The following STON2 variants were observed in gnomAD, a reference collection of about 807,000 sequenced individuals.
STON2 encodes the protein stonin-2.
In STON2, 29 loss-of-function variants were observed where a neutral mutation model predicts 65.7. That is an observed-to-expected ratio of 0.44 (90% CI 0.33 to 0.60). The LOEUF is 0.60. Ranked by LOEUF, STON2 falls within the 20% of genes least tolerant of loss-of-function variation. STON2 has a pLI of 0.03. For missense variants in STON2, 1,054 were observed against 1,118.1 expected (o/e 0.94, Z 0.82); for synonymous variants, 404 against 414.2 (o/e 0.98, Z 0.30).
chr14:81,310,755 G>C (rs1427060104), intron 5 of STON2, among the ~76,000 whole-genome samples: 1 of 152,148 alleles, frequency 6.6e-6, no homozygotes, highest in Non-Finnish European at 1.5e-5. Context: ...GAAACCTCCT[G>C]TTTCCTCTCC....
intron 3 of STON2, among the ~76,000 whole-genome samples, chr14:81,390,580 A>AAAAC (rs142075412): frequency 4.1e-4 from 63 of 152,308 alleles, no homozygotes; most frequent in East Asian, 9.6e-4. Context: ...AACAAAACAA[A>AAAAC]AAACAAACAA....
intron 3 of STON2, among the ~76,000 whole-genome samples, chr14:81,383,118 T>C (rs976951199): frequency 7.2e-5 from 11 of 152,176 alleles, no homozygotes; most frequent in Admixed American, 7.2e-4. Flanking sequence ...TCCATCCAGC[T>C]TGAAGGAATA....
intron 2 of STON2, among the ~76,000 whole-genome samples, chr14:81,421,965 G>T (rs3908315): frequency 1.1e-4 from 17 of 152,020 alleles, no homozygotes; most frequent in Admixed American, 8.5e-4. Context: ...TGGAACCCTG[G>T]GGAAGGTCAT....
chr14:81,357,091 C>A (rs1898272034), intron 4 of STON2, among the ~76,000 whole-genome samples: 3 of 151,988 alleles, frequency 2.0e-5, no homozygotes, highest in Admixed American at 6.6e-5. Flanking sequence ...GCAAAAGAAA[C>A]TACCATCAGA....
rs149966281 is a variant in STON2, at chr14:81,267,156, A to G, written c.*1258T>C. The G allele has an allele frequency of 5.8e-5, 57 of 985,430 alleles. No homozygotes were observed. The East Asian group carries it at 3.7e-3, about 65-fold the overall frequency. 61.0% of individuals were successfully genotyped at this position (985,430 alleles called of 1,614,324 possible). A position where few individuals can be genotyped will look rare whatever the true frequency, so the allele number is the denominator to read the frequency against. ...CATGGGAGAAAACACTAAGATACAA[A>G]TAAGAAGCAGAGGTGAGTAGGAACG... On this transcript the variant is annotated 3_prime_UTR_variant, in exon 8 of 8. Transcript: ENST00000614646.
At chr14:81,365,767 A>AC (rs1595400406) in intron 4 of STON2, among the ~76,000 whole-genome samples, 2 of 152,302 alleles carry the variant, frequency 1.3e-5, no homozygotes. Flanking sequence ...AAATAAAAAA[A>AC]TTAAAAAATA....
chr14:81,360,339 G>C (rs1312092603), intron 4 of STON2, among the ~76,000 whole-genome samples: 1 of 152,048 alleles, frequency 6.6e-6, no homozygotes. Context: ...CTATAATTAA[G>C]TGGCATTTAT....
intron 4 of STON2, among the ~76,000 whole-genome samples, chr14:81,367,713 A>G (rs1183822721): frequency 6.6e-6 from 1 of 152,122 alleles, no homozygotes; most frequent in Non-Finnish European, 1.5e-5. Context: ...CACTGTCTCC[A>G]TGGCCTGCGG....
rs1035686082 is a variant in STON2 at position 81,395,012 on chromosome 14, T to C, written c.373+882A>G. 7.2e-5 allele frequency: 11 copies of C among 152,188 alleles called. No individual in the cohort carries two copies. The East Asian group carries it at 1.5e-3, about 21-fold the overall frequency. The allele number at this position is 152,188 out of a possible 1,614,324, so 9.4% of individuals were successfully genotyped here. A position where few individuals can be genotyped will look rare whatever the true frequency, so the allele number is the denominator to read the frequency against. ...CATACTTCAGTGCACAATAAAGAAGTAGCCAGGTCACCAGGATGGGGACTA... is the reference window on the plus strand; with the variant it reads ...CATACTTCAGTGCACAATAAAGAAGCAGCCAGGTCACCAGGATGGGGACTA... On this transcript the variant is annotated intron_variant, in intron 3 of 7. Transcript: ENST00000614646.
At chr14:81,312,791 T>C (rs1896476840) in intron 5 of STON2, among the ~76,000 whole-genome samples, 1 of 152,246 alleles carries the variant, frequency 6.6e-6, no homozygotes, top group East Asian at 1.9e-4. Context: ...TTTTGAAAAC[T>C]GGTAATTTTT....
intron 3 of STON2, among the ~76,000 whole-genome samples, chr14:81,391,627 T>C (rs574179713): frequency 2.6e-4 from 40 of 152,360 alleles, no homozygotes; most frequent in East Asian, 2.1e-3. Context: ...TTTAGGTTCA[T>C]TGATGGGTCA....
intron 2 of STON2, among the ~76,000 whole-genome samples, chr14:81,412,055 T>C (rs988602361): frequency 7.2e-6 from 1 of 139,536 alleles, no homozygotes; most frequent in African/African-American, 2.9e-5. Context: ...CAGAAAAAAC[T>C]TGACCTGGGA....
At chr14:81,276,449 G>C (rs1894821621) in intron 6 of STON2, among the ~76,000 whole-genome samples, 1 of 152,124 alleles carries the variant, frequency 6.6e-6, no homozygotes, top group Non-Finnish European at 1.5e-5. Context: ...AGGGTAGCTG[G>C]AGTCGTAAAA....
intron 5 of STON2, among the ~76,000 whole-genome samples, chr14:81,293,317 G>C (rs548851259): frequency 1.6e-4 from 24 of 152,106 alleles, no homozygotes; most frequent in African/African-American, 2.4e-4. Flanking sequence ...GGGACTGCAG[G>C]AGCGTGCCAC....
At chr14:81,368,179 G>A (rs72703728) in intron 4 of STON2, among the ~76,000 whole-genome samples, 43,506 of 151,822 alleles carry the variant, frequency 0.29, 6,481 homozygotes, top group Admixed American at 0.33. Context: ...AAATAACTAT[G>A]GTGACTGTTT....
intron 7 of STON2, chr14:81,268,787 C>T (rs1894457239): frequency 3.2e-6 from 1 of 314,256 alleles, no homozygotes; most frequent in African/African-American, 2.2e-5. Context: ...CTATTTTTGA[C>T]TTATTAAGTA....
At chr14:81,296,565 ATGTCTCTTTTTCTCTT>A (rs1192625421) in intron 5 of STON2, among the ~76,000 whole-genome samples, 1 of 152,158 alleles carries the variant, frequency 6.6e-6, no homozygotes, top group Non-Finnish European at 1.5e-5. Context: ...AGACTGGCAT[ATGTCTCTTTTTCTCTT>A]TGTCTCTTTT....
At chr14:81,413,114 A>G (rs1901250977) in intron 2 of STON2, 6 of 1,217,044 alleles carry the variant, frequency 4.9e-6, no homozygotes, top group Non-Finnish European at 7.0e-6. Context: ...ATGTGACAAG[A>G]AGTACAATCC....
chr14:81,280,620 A>G (rs934436798), intron 5 of STON2, among the ~76,000 whole-genome samples: 1 of 152,232 alleles, frequency 6.6e-6, no homozygotes, highest in African/African-American at 2.4e-5. Flanking sequence ...ATAATTGCAC[A>G]TAATTATACA....
Sources: gnomAD v4.1 joint callset for allele counts (sites outside exome capture counted in the v4.1 genomes callset) on GRCh38, gnomAD v4.1.1 for gene constraint, MANE v1.5 for transcripts, NCBI Gene and HGNC (gene_info 2026-07-23, HGNC 2026-07-21) for gene names.